Variants in RELCH observed in about 807,000 individuals in gnomAD.
RELCH encodes the protein RAB11-binding protein RELCH.
In RELCH, 41 loss-of-function variants were observed where a neutral mutation model predicts 150.3. That is an observed-to-expected ratio of 0.27 (90% CI 0.21 to 0.35). The LOEUF is 0.35. Ranked by LOEUF, RELCH falls within the 10% of genes least tolerant of loss-of-function variation. RELCH has a pLI of 1.00. For synonymous variants in RELCH, 478 were observed against 531.8 expected, an observed-to-expected ratio of 0.90 and a Z score of 1.39; for missense variants, 1,092 against 1,467.8, an observed-to-expected ratio of 0.74 and a Z score of 4.18.
chr18:62,203,877 G>A (rs2039609798), intron 1 of RELCH, among the ~76,000 whole-genome samples: 1 of 152,088 alleles, frequency 6.6e-6, no homozygotes, highest in Non-Finnish European at 1.5e-5. Flanking sequence ...TACTTGGAAG[G>A]CTGAGGCGGG....
chr18:62,255,505 A>G, intron 13 of RELCH, 27 bp downstream of exon 13: 1 of 1,526,928 alleles, frequency 6.5e-7, no homozygotes, highest in Non-Finnish European at 8.9e-7. Flanking sequence ...TTTTTTCTTT[A>G]AACTATTTTT....
intron 8 of RELCH, among the ~76,000 whole-genome samples, chr18:62,229,588 T>C (rs1348427754): frequency 6.6e-6 from 1 of 151,404 alleles, no homozygotes; most frequent in Non-Finnish European, 1.5e-5. Flanking sequence ...TCAAACCTTA[T>C]AGTATGAGAG....
At chr18:62,258,440 T>C in intron 14 of RELCH, 72 bp from the exon 15 acceptor site, 1 of 1,270,528 alleles carries the variant, frequency 7.9e-7, no homozygotes, top group Non-Finnish European at 1.1e-6. Flanking sequence ...AAATTTTTAT[T>C]ACTTTTTATT....
At position 62,282,924 on chromosome 18, in the gene RELCH, T is replaced by C. The variant is rs578189676; in HGVS notation, c.3253+480T>C. ...CTGCCTGCCTCAGCCTCCCAAAGTG[T>C]TGGGATTACAGGCGTGAACCACCGC... On this transcript the variant is annotated intron_variant, in intron 25 of 28. Transcript: ENST00000644646. 1.1e-4 allele frequency among the ~76,000 whole-genome samples: 16 copies of C among 152,250 alleles called. No individual in the cohort carries two copies. The East Asian group carries it at 2.7e-3, about 26-fold the overall frequency.
chr18:62,205,270 T>C (rs2039704627), intron 1 of RELCH, among the ~76,000 whole-genome samples: 1 of 152,214 alleles, frequency 6.6e-6, no homozygotes, highest in African/African-American at 2.4e-5. Flanking sequence ...AGTGTACCAT[T>C]TGATAAGTTT....
intron 27 of RELCH, among the ~76,000 whole-genome samples, chr18:62,292,838 T>C (rs1432767210): frequency 6.6e-6 from 1 of 152,220 alleles, no homozygotes; most frequent in Non-Finnish European, 1.5e-5. Context: ...ATTATTGTTA[T>C]CTCATTGAAA....
At chr18:62,260,108 A>C (rs1417121717) in intron 15 of RELCH, among the ~76,000 whole-genome samples, 1 of 151,334 alleles carries the variant, frequency 6.6e-6, no homozygotes, top group East Asian at 1.9e-4. Flanking sequence ...CAAACAGCCT[A>C]CAGAATGGGA....
At chr18:62,277,703 GC>G in intron 22 of RELCH, 1 of 969,704 alleles carries the variant, frequency 1.0e-6, no homozygotes, top group Non-Finnish European at 1.2e-6. Flanking sequence ...TTTTTAGACA[GC>G]AGGACAAAAA....
chr18:62,300,783 C>CT (rs2045629723), intron 28 of RELCH, among the ~76,000 whole-genome samples: 1 of 152,120 alleles, frequency 6.6e-6, no homozygotes, highest in African/African-American at 2.4e-5. Context: ...TGTGTAAGTA[C>CT]TACAAGTCAT....
chr18:62,267,084 T>C (rs1749887951), intron 19 of RELCH, among the ~76,000 whole-genome samples: 1 of 151,958 alleles, frequency 6.6e-6, no homozygotes, highest in Non-Finnish European at 1.5e-5. Context: ...AAGCTGCATC[T>C]AATTCCTAAT....
chr18:62,267,519 T>A (rs1471485174), intron 19 of RELCH, among the ~76,000 whole-genome samples: 2 of 141,122 alleles, frequency 1.4e-5, no homozygotes, highest in African/African-American at 2.6e-5. Flanking sequence ...TGTGTGTGTG[T>A]ATACATATAT....
At chr18:62,213,628 G>A (rs2040305063) in intron 2 of RELCH, among the ~76,000 whole-genome samples, 1 of 150,108 alleles carries the variant, frequency 6.7e-6, no homozygotes, top group Admixed American at 6.7e-5. Flanking sequence ...TACTCAGGAG[G>A]CTGAGACAGG....
intron 7 of RELCH, among the ~76,000 whole-genome samples, 171 bp downstream of exon 7, chr18:62,227,860 T>G (rs2041314901): frequency 6.6e-6 from 1 of 151,820 alleles, no homozygotes; most frequent in Non-Finnish European, 1.5e-5. Context: ...TAGTAATAGG[T>G]TTTTTTTCCC....
chr18:62,244,737 A>C, intron 10 of RELCH, 27 bp from the exon 11 acceptor site: 1 of 1,449,682 alleles, frequency 6.9e-7, no homozygotes, highest in Non-Finnish European at 9.7e-7. Context: ...TTTTTATTTG[A>C]ATTTTTCCAC....
chr18:62,211,096 C>A (rs2040133076), intron 1 of RELCH, 57 bp from the exon 2 acceptor site: 2 of 882,812 alleles, frequency 2.3e-6, no homozygotes, highest in Non-Finnish European at 3.5e-6. Context: ...TATTTGAATT[C>A]CTGTTCCTTA....
intron 1 of RELCH, among the ~76,000 whole-genome samples, chr18:62,210,829 C>T (rs2040111315): frequency 6.6e-6 from 1 of 152,136 alleles, no homozygotes; most frequent in South Asian, 2.1e-4. Context: ...TTTCAGTAGG[C>T]ACTTGTTCAA....
chr18:62,295,911 C>G (rs1372861738), intron 27 of RELCH, among the ~76,000 whole-genome samples: 2 of 152,144 alleles, frequency 1.3e-5, no homozygotes, highest in African/African-American at 4.8e-5. Flanking sequence ...AGCTGTATCC[C>G]ATGCATTTGC....
intron 1 of RELCH, among the ~76,000 whole-genome samples, chr18:62,199,027 A>T (rs776969060): frequency 2.0e-5 from 3 of 151,088 alleles, no homozygotes; most frequent in African/African-American, 7.2e-5. Context: ...CCCTTGAAAC[A>T]TGTGTTATAT....
intron 18 of RELCH, among the ~76,000 whole-genome samples, chr18:62,265,066 A>G (rs1381301885): frequency 6.6e-6 from 1 of 152,092 alleles, no homozygotes; most frequent in Admixed American, 6.6e-5. Context: ...AGCTTAGTTC[A>G]TATCCAGACT....
Sources: allele counts gnomAD v4.1 joint callset (sites outside exome capture counted in the v4.1 genomes callset), GRCh38; gene constraint gnomAD v4.1.1; transcripts MANE v1.5; gene names NCBI Gene and HGNC (gene_info 2026-07-23, HGNC 2026-07-21).